Variants in HIP1 observed in about 807,000 individuals in gnomAD.
HIP1 encodes the protein huntingtin interacting protein 1.
In HIP1, 65 loss-of-function variants were observed where a neutral mutation model predicts 147.6. The ratio of observed to expected loss-of-function variants is 0.44; its 90% CI spans 0.36 to 0.54. The LOEUF (loss-of-function observed/expected upper bound fraction) is 0.54. Among genes scored for constraint, HIP1 ranks in the 20% least tolerant of loss-of-function variants. The pLI, the probability that HIP1 is intolerant of heterozygous loss-of-function variation, is 0.00. For synonymous variants in HIP1, 479 were observed against 504.0 expected (o/e 0.95, Z 0.67); for missense variants, 1,061 against 1,299.6 (o/e 0.82, Z 2.82).
At chr7:75,649,729 G>T (rs539988862) in intron 1 of HIP1, among the ~76,000 whole-genome samples, 1 of 152,134 alleles carries the variant, frequency 6.6e-6, no homozygotes, top group African/African-American at 2.4e-5. Context: ...GGAACCCCCG[G>T]CCTGGTCTTG....
chr7:75,588,636 TGG>T (rs1796367137), intron 4 of HIP1, among the ~76,000 whole-genome samples: 1 of 151,956 alleles, frequency 6.6e-6, no homozygotes. Flanking sequence ...TAGCTGGGTT[TGG>T]TGGTGCACAC....
rs71098061 is a variant in HIP1, at chr7:75,678,360, T to TTTTTTTTTTC, written c.120+60440_120+60441insGAAAAAAAAA. ...TTATTCTTTTTTTTTTTTTTTTTTT[T>TTTTTTTTTTC]TGAGACAGCATCTCACTCTGTCACC... On this transcript the variant is annotated intron_variant, in intron 1 of 30. Transcript: ENST00000336926. 5.6e-4 allele frequency among the ~76,000 whole-genome samples: 72 copies of TTTTTTTTTTC among 127,548 alleles called. 2 individuals carry two copies. The highest frequency in any genetic ancestry group is 6.6e-4 in the East Asian group (3 of 4,550). 83.7% of individuals were successfully genotyped at this position (127,548 alleles called of 152,430 possible). A position where few individuals can be genotyped will look rare whatever the true frequency, so the allele number is the denominator to read the frequency against.
chr7:75,621,309 G>T (rs1286283883), intron 1 of HIP1, among the ~76,000 whole-genome samples: 1 of 143,642 alleles, frequency 7.0e-6, no homozygotes, highest in Non-Finnish European at 1.6e-5. Context: ...AGGAAGTATG[G>T]CTAGAGCCGG....
At chr7:75,662,691 A>G (rs1799357266) in intron 1 of HIP1, among the ~76,000 whole-genome samples, 2 of 151,982 alleles carry the variant, frequency 1.3e-5, no homozygotes, top group Non-Finnish European at 2.9e-5. Context: ...TTTTTAGTAG[A>G]GACGGGATTT....
chr7:75,595,290 T>TTCTTTTTCTC (rs1796694723), intron 2 of HIP1, among the ~76,000 whole-genome samples: 1 of 145,946 alleles, frequency 6.9e-6, no homozygotes, highest in African/African-American at 2.6e-5. Context: ...CTTCCTTTCT[T>TTCTTTTTCTC]TCTTTCTCTC....
Position 75,581,284 on chromosome 7 carries a change from A to G in HIP1, c.557T>C (p.Val186Ala). The part of the protein sequence containing the change: ...SDVNNFFQLT[V>A]EMFDYLECEL... Reference sequence around the variant, plus strand: ...ACACTCCAGGTAGTCAAACATCTCCACTGTTAACTGGAAACTGGACCCAAG... The same window carrying G: ...ACACTCCAGGTAGTCAAACATCTCCGCTGTTAACTGGAAACTGGACCCAAG... The change falls in exon 7 of 31, where the codon GTG (valine) becomes GCG (alanine). Residue 186 changes from valine (V) to alanine (A), a missense_variant. Val to Ala is a moderately conservative substitution (Grantham distance 64, BLOSUM62 0). Around this residue, in one of 3 missense-constraint regions of HIP1, gnomAD observed 225 missense variants for 292.9 expected, o/e 0.77. Transcript: ENST00000336926. 6.2e-7 allele frequency: 1 copy of G among 1,610,880 alleles called. No individual in the cohort carries two copies. Among genetic ancestry groups the G allele is most frequent in the Non-Finnish European group, 8.5e-7 (1 of 1,178,260 alleles).
intron 1 of HIP1, among the ~76,000 whole-genome samples, chr7:75,704,631 G>A (rs1002419946): frequency 5.3e-5 from 8 of 152,090 alleles, no homozygotes; most frequent in African/African-American, 1.9e-4. Context: ...AGGCTGGAGT[G>A]CAGTACAGTG....
chr7:75,559,955 C>G, intron 13 of HIP1, 40 bp from the exon 14 acceptor site: 1 of 1,534,762 alleles, frequency 6.5e-7, no homozygotes, highest in Non-Finnish European at 8.7e-7. Context: ...CCGCCCACTG[C>G]CACGGGTCAC....
intron 1 of HIP1, among the ~76,000 whole-genome samples, chr7:75,724,739 A>G (rs1420239731): frequency 1.3e-5 from 2 of 152,234 alleles, no homozygotes; most frequent in Non-Finnish European, 2.9e-5. Context: ...AGGTAGACAC[A>G]AGACACGAAT....
intron 2 of HIP1, among the ~76,000 whole-genome samples, chr7:75,595,816 T>C (rs1260982524): frequency 6.6e-6 from 1 of 152,120 alleles, no homozygotes; most frequent in African/African-American, 2.4e-5. Context: ...CAGGAGTGAA[T>C]ACCAAGGTGG....
chr7:75,612,366 A>G (rs1554505175), intron 1 of HIP1, among the ~76,000 whole-genome samples: 3 of 151,888 alleles, frequency 2.0e-5, no homozygotes, highest in African/African-American at 7.3e-5. Flanking sequence ...AAAATTAGCC[A>G]GGGGTGGTGG....
At position 75,597,191 on chromosome 7, in the gene HIP1, G is replaced by A. The variant is rs587727103; in HGVS notation, c.184+1993C>T. ...GTTACCCCAGAGAGGTTCTGCAGCC[G>A]CCATCCTAATTCCAGCCAAAGCATC... is the stretch of plus-strand genomic sequence containing the variant. On this transcript the variant is annotated intron_variant, in intron 2 of 30. Transcript: ENST00000336926. Among the ~76,000 whole-genome samples, 22 of 152,260 alleles carry A rather than the reference G, an allele frequency of 1.4e-4. No individual in the cohort carries two copies. The South Asian group carries it at 1.9e-3, about 13-fold the overall frequency.
At chr7:75,631,381 G>A (rs1421583558) in intron 1 of HIP1, among the ~76,000 whole-genome samples, 1 of 152,152 alleles carries the variant, frequency 6.6e-6, no homozygotes, top group African/African-American at 2.4e-5. Context: ...ACTTGTCTAC[G>A]ATCTGAGAGT....
At chr7:75,729,041 T>C (rs1554522673) in intron 1 of HIP1, among the ~76,000 whole-genome samples, 2 of 148,008 alleles carry the variant, frequency 1.4e-5, no homozygotes, top group Non-Finnish European at 3.0e-5. Flanking sequence ...AGTTTACCCA[T>C]GTAACAAGCC....
intron 1 of HIP1, among the ~76,000 whole-genome samples, chr7:75,648,896 A>T (rs548557507): frequency 6.6e-6 from 1 of 152,154 alleles, no homozygotes; most frequent in East Asian, 1.9e-4. Context: ...GCTTGAGCTC[A>T]GGAGTTTGAG....
At chr7:75,658,270 TAG>T (rs1366439298) in intron 1 of HIP1, among the ~76,000 whole-genome samples, 103 of 152,354 alleles carry the variant, frequency 6.8e-4, no homozygotes, top group Non-Finnish European at 1.0e-3. Flanking sequence ...GTATTTTTAG[TAG>T]AGATGGGGTT....
chr7:75,566,719 T>C (rs899810138), intron 9 of HIP1, among the ~76,000 whole-genome samples: 6 of 151,316 alleles, frequency 4.0e-5, no homozygotes, highest in Admixed American at 6.6e-5. Context: ...GTCATATTTG[T>C]AGGGTATCAA....
chr7:75,577,346 CGAGA>C (rs372758936), intron 7 of HIP1, among the ~76,000 whole-genome samples: 13 of 105,088 alleles, frequency 1.2e-4, no homozygotes, highest in Non-Finnish European at 1.6e-4. Context: ...AAAAAAAAAA[CGAGA>C]GAGAGAGAAA....
chr7:75,625,641 A>C (rs1246959083), intron 1 of HIP1: 20 of 152,198 alleles, frequency 1.3e-4, no homozygotes, highest in Admixed American at 1.3e-3. Flanking sequence ...AAAAGCAGAG[A>C]TGGGGCGCTA....
Sources: gnomAD v4.1 joint callset for allele counts (sites outside exome capture counted in the v4.1 genomes callset) on GRCh38, gnomAD v4.1.1 for gene constraint, gnomAD v4.1.1 regional missense constraint, MANE v1.5 for transcripts, NCBI Gene and HGNC (gene_info 2026-07-23, HGNC 2026-07-21) for gene names.